TEAD1: variants seen among roughly 807,000 people sequenced by gnomAD.
TEAD1 encodes the protein transcriptional enhancer factor TEF-1.
A neutral mutation model predicts 54.9 loss-of-function variants in TEAD1; 9 were observed. The observed-to-expected ratio is 0.16, with a 90% CI of 0.10 to 0.29. The LOEUF (loss-of-function observed/expected upper bound fraction) is 0.29. Among genes scored for constraint, TEAD1 ranks in the 10% least tolerant of loss-of-function variants. The pLI, the probability that TEAD1 is intolerant of heterozygous loss-of-function variation, is 1.00. For synonymous variants in TEAD1, 200 were observed against 187.8 expected (o/e 1.07, Z -0.53); for missense variants, 387 against 535.9 (o/e 0.72, Z 2.74).
At chr11:12,752,311 A>G (rs966041105) in intron 2 of TEAD1, among the ~76,000 whole-genome samples, 9 of 148,692 alleles carry the variant, frequency 6.1e-5, no homozygotes, top group African/African-American at 2.2e-4. Context: ...CATCATCAAT[A>G]TTGAGTCCCT....
At chr11:12,803,010 A>T (rs140591698) in intron 3 of TEAD1, among the ~76,000 whole-genome samples, 4 of 152,260 alleles carry the variant, frequency 2.6e-5, no homozygotes, top group East Asian at 1.9e-4. Flanking sequence ...CCATGGTAGC[A>T]AGAAGCCGAG....
intron 5 of TEAD1, among the ~76,000 whole-genome samples, chr11:12,870,562 G>A (rs564185229): frequency 4.0e-5 from 6 of 151,310 alleles, no homozygotes; most frequent in Non-Finnish European, 7.4e-5. Context: ...TTTCTCCCCC[G>A]CCCCCCCCGG....
intron 2 of TEAD1, among the ~76,000 whole-genome samples, chr11:12,726,269 C>T (rs115004136): frequency 0.022 from 3,337 of 152,228 alleles, 102 homozygotes; most frequent in African/African-American, 0.077. Context: ...AAGGATGTTG[C>T]TGAATGTCAT....
chr11:12,733,388 C>T (rs189917726), intron 2 of TEAD1, among the ~76,000 whole-genome samples: 3 of 152,240 alleles, frequency 2.0e-5, no homozygotes, highest in East Asian at 1.9e-4. Context: ...GCTTCCTACC[C>T]GCCAGTGGTT....
At chr11:12,867,549 A>G (rs141519019) in intron 5 of TEAD1, among the ~76,000 whole-genome samples, 157 of 152,194 alleles carry the variant, frequency 1.0e-3, no homozygotes, top group Non-Finnish European at 1.8e-3. Context: ...CTCCATGAGC[A>G]TTTTATCTCA....
intron 2 of TEAD1, among the ~76,000 whole-genome samples, chr11:12,745,132 C>T (rs1177150543): frequency 6.6e-6 from 1 of 152,204 alleles, no homozygotes; most frequent in East Asian, 1.9e-4. Flanking sequence ...GGTTTTTTCT[C>T]ATCCTCCTGT....
intron 3 of TEAD1, among the ~76,000 whole-genome samples, chr11:12,861,966 A>G (rs1245918669): frequency 2.0e-5 from 3 of 150,690 alleles, no homozygotes; most frequent in Non-Finnish European, 4.4e-5. Flanking sequence ...AGCCTGGGCA[A>G]CAAGAGTGAA....
chr11:12,759,867 C>CA (rs963422614), intron 2 of TEAD1, among the ~76,000 whole-genome samples: 7 of 151,626 alleles, frequency 4.6e-5, no homozygotes, highest in African/African-American at 1.2e-4. Flanking sequence ...ATCTCAAAAG[C>CA]AAAAAAAATT....
At chr11:12,819,730 C>T (rs150711515) in intron 3 of TEAD1, among the ~76,000 whole-genome samples, 3,548 of 152,190 alleles carry the variant, frequency 0.023, 146 homozygotes, top group African/African-American at 0.077. Flanking sequence ...GGATTACAGG[C>T]GTGAACCACC....
intron 3 of TEAD1, among the ~76,000 whole-genome samples, chr11:12,787,437 G>T (rs2133956628): frequency 6.6e-6 from 1 of 152,274 alleles, no homozygotes; most frequent in Non-Finnish European, 1.5e-5. Context: ...AAAGAGTAGT[G>T]GTGTGGTGGG....
In TEAD1 at chr11:12,925,181, A is replaced by T. The variant is rs1215640619; in HGVS notation, c.1014+129A>T. The T allele has an allele frequency of 6.5e-6, 7 of 1,070,258 alleles. No individual in the cohort carries two copies. In the African/African-American group the frequency reaches 9.4e-5, roughly 14 times the overall value. The allele number at this position is 1,070,258 out of a possible 1,614,324, so 66.3% of individuals were successfully genotyped here. On this transcript the variant is annotated intron_variant, in intron 11 of 12. Transcript: ENST00000527636. ...TTACCTTCTGTATTAGTCCATTCTC[A>T]CACTGCTATGAAGAACTACCTGAAA... is the stretch of plus-strand genomic sequence containing the variant.
intron 2 of TEAD1, among the ~76,000 whole-genome samples, chr11:12,736,221 T>C (rs1017285084): frequency 1.3e-5 from 2 of 152,214 alleles, no homozygotes; most frequent in Non-Finnish European, 2.9e-5. Flanking sequence ...TCATTTACTA[T>C]TTCTATTCAA....
intron 2 of TEAD1, among the ~76,000 whole-genome samples, chr11:12,719,599 T>C (rs1944140301): frequency 6.7e-6 from 1 of 149,484 alleles, no homozygotes; most frequent in Non-Finnish European, 1.5e-5. Flanking sequence ...CGGGGGGCTG[T>C]GTCAAAAAGG....
chr11:12,864,831 C>A lies in TEAD1; in HGVS notation c.268-7C>A. 6.2e-7 allele frequency: 1 copy of A among 1,614,050 alleles called. No individual in the cohort carries two copies. The highest frequency in any genetic ancestry group is 8.5e-7 in the Non-Finnish European group (1 of 1,179,986). On this transcript the variant is annotated splice_polypyrimidine_tract_variant and splice_region_variant and intron_variant, in intron 4 of 12. Coordinates refer to ENST00000527636, the MANE Select transcript of TEAD1 (RefSeq NM_021961.6). ...CCTTTGTTTTCCTCCCTTCCCCTACCCTGCAGGTGTCTAGTCACATTCAGG... is the reference window on the plus strand; with the variant it reads ...CCTTTGTTTTCCTCCCTTCCCCTACACTGCAGGTGTCTAGTCACATTCAGG...
At chr11:12,835,224 A>G (rs1946862297) in intron 3 of TEAD1, among the ~76,000 whole-genome samples, 1 of 152,052 alleles carries the variant, frequency 6.6e-6, no homozygotes, top group African/African-American at 2.4e-5. Context: ...TTTGATTTTT[A>G]CTGGTTTGGG....
intron 2 of TEAD1, among the ~76,000 whole-genome samples, chr11:12,754,265 A>G (rs1944939458): frequency 6.6e-6 from 1 of 152,198 alleles, no homozygotes; most frequent in Non-Finnish European, 1.5e-5. Context: ...ACTTTTATCC[A>G]GCATCCCAAT....
At chr11:12,916,637 C>T (rs1037392441) in intron 10 of TEAD1, among the ~76,000 whole-genome samples, 1 of 152,164 alleles carries the variant, frequency 6.6e-6, no homozygotes, top group Admixed American at 6.5e-5. Flanking sequence ...ATGAGAAAAG[C>T]GAGACCCAAA....
intron 3 of TEAD1, among the ~76,000 whole-genome samples, chr11:12,817,793 A>G (rs1946446859): frequency 6.6e-6 from 1 of 152,210 alleles, no homozygotes; most frequent in Non-Finnish European, 1.5e-5. Context: ...AAGGGAGTTC[A>G]GGGTTGACTT....
chr11:12,879,095 T>A (rs934345595), intron 5 of TEAD1, among the ~76,000 whole-genome samples: 1 of 152,162 alleles, frequency 6.6e-6, no homozygotes, highest in Admixed American at 6.5e-5. Flanking sequence ...ACGGCGGGGA[T>A]ACCTGAGAAA....
Sources: gnomAD v4.1 joint callset for allele counts (sites outside exome capture counted in the v4.1 genomes callset) on GRCh38, gnomAD v4.1.1 for gene constraint, MANE v1.5 for transcripts, NCBI Gene and HGNC (gene_info 2026-07-23, HGNC 2026-07-21) for gene names.